Variants in SUMO3 observed in about 807,000 individuals in gnomAD.
SUMO3 encodes small ubiquitin-related modifier 3.
Under a neutral mutation model 11.1 loss-of-function variants are expected in SUMO3, and 2 were observed. The observed-to-expected ratio is 0.18, with a 90% CI of 0.07 to 0.57. The LOEUF (loss-of-function observed/expected upper bound fraction) is 0.57, where lower values mean the gene tolerates loss of function less well. Among genes scored for constraint, SUMO3 ranks in the 20% least tolerant of loss-of-function variants. SUMO3 has a pLI of 0.92. For synonymous variants in SUMO3, 56 were observed against 53.5 expected (o/e 1.05, Z -0.20); for missense variants, 70 against 132.8 (o/e 0.53, Z 2.32).
chr21:44,806,915 T>C lies in SUMO3; in HGVS notation c.*36A>G. On this transcript the variant is annotated 3_prime_UTR_variant, in exon 4 of 4. Coordinates refer to ENST00000332859, the MANE Select transcript of SUMO3 (RefSeq NM_006936.3). ...TCACGTGCTCACCATTCAACAGCAATGCGAGGATGGACGGCCCGGGCTGGG... is the reference window on the plus strand; with the variant it reads ...TCACGTGCTCACCATTCAACAGCAACGCGAGGATGGACGGCCCGGGCTGGG... The C allele has an allele frequency of 6.2e-7, 1 of 1,613,546 alleles. No individual in the cohort carries two copies. The highest frequency in any genetic ancestry group is 8.5e-7 in the Non-Finnish European group (1 of 1,179,726).
intron 3 of SUMO3, chr21:44,808,188 A>G (rs1310164907): frequency 5.5e-6 from 1 of 183,010 alleles, no homozygotes; most frequent in Non-Finnish European, 1.1e-5. Context: ...GACAAATGAC[A>G]AGAGCTGCAA....
chr21:44,817,348 G>A (rs2083252038), intron 1 of SUMO3, among the ~76,000 whole-genome samples: 1 of 151,722 alleles, frequency 6.6e-6, no homozygotes, highest in Non-Finnish European at 1.5e-5. Context: ...GGACGCGATG[G>A]CCGGGACACG....
At position 44,807,571 on chromosome 21, in the gene SUMO3, C is replaced by T. The variant is rs769165329; in HGVS notation, c.223-531G>A. ...CCCAGGCAAGGTAGTGAAACACCCC[C>T]GCTCACTTCTCTCCTCCTGACACAG... is the stretch of plus-strand genomic sequence containing the variant. On this transcript the variant is annotated intron_variant, in intron 3 of 3. Coordinates refer to ENST00000332859, the MANE Select transcript of SUMO3 (RefSeq NM_006936.3). This position sits in a 1 kb window ranked among gnomAD's most constrained non-coding sequence, Gnocchi z 4.3. 1.3e-5 allele frequency among the ~76,000 whole-genome samples: 2 copies of T among 152,268 alleles called. No individual in the cohort carries two copies. Among genetic ancestry groups the T allele is most frequent in the African/African-American group, 4.8e-5 (2 of 41,542 alleles).
chr21:44,806,089 T>C lies in SUMO3; in HGVS notation c.*862A>G, dbSNP rs938820201. ...AGCAATACTTAGTCTTACTTTTTTA[T>C]GTATAGACCATAATCATTCATCAGA... On this transcript the variant is annotated 3_prime_UTR_variant, in exon 4 of 4. Transcript: ENST00000332859. 2.0e-5 allele frequency: 3 copies of C among 152,360 alleles called. No homozygotes were observed. In the East Asian group the frequency reaches 5.8e-4, roughly 29 times the overall value. The allele number at this position is 152,360 out of a possible 1,614,324, so 9.4% of individuals were successfully genotyped here.
rs1046261342 is a variant in SUMO3, at chr21:44,808,472, G to A, written c.222+575C>T. 27 of 1,434,960 alleles carry A rather than the reference G, an allele frequency of 1.9e-5. No individual in the cohort carries two copies. In the African/African-American group the frequency reaches 2.4e-4, roughly 13 times the overall value. 88.9% of individuals were successfully genotyped at this position (1,434,960 alleles called of 1,614,324 possible). ...AGCTTGCACAGTGAGCTGAGACTGC[G>A]CCACTGCATTCTAGCCTGGGCAACA... On this transcript the variant is annotated intron_variant, in intron 3 of 3. Coordinates refer to ENST00000332859, the MANE Select transcript of SUMO3 (RefSeq NM_006936.3).
At chr21:44,815,283 G>A (rs1238988078) in intron 1 of SUMO3, among the ~76,000 whole-genome samples, 1 of 152,170 alleles carries the variant, frequency 6.6e-6, no homozygotes, top group Non-Finnish European at 1.5e-5. Context: ...CCTGGGGTAT[G>A]CACCCTGGGG....
Position 44,807,154 on chromosome 21 carries a change from C to T in SUMO3, c.223-114G>A. 1.5e-6 allele frequency: 2 copies of T among 1,302,420 alleles called. No homozygotes were observed. Among genetic ancestry groups the T allele is most frequent in the Non-Finnish European group, 2.1e-6 (2 of 946,960 alleles). 80.7% of individuals were successfully genotyped at this position (1,302,420 alleles called of 1,614,324 possible). On this transcript the variant is annotated intron_variant, in intron 3 of 3. Coordinates refer to ENST00000332859, the MANE Select transcript of SUMO3 (RefSeq NM_006936.3). This position sits in a 1 kb window ranked among gnomAD's most constrained non-coding sequence, Gnocchi z 4.3. The stretch of plus-strand genomic sequence containing the variant: ...TGTTCCCTGACACTAGCGACATCAC[C>T]TGGTCACACCTTGGCTCTTGTCCGT...
chr21:44,818,018 G>C lies in SUMO3; in HGVS notation c.-50C>G, dbSNP rs1269364035. The C allele has an allele frequency of 1.4e-5, 16 of 1,171,200 alleles. No homozygotes were observed. Among genetic ancestry groups the C allele is most frequent in the Non-Finnish European group, 1.6e-5 (15 of 948,252 alleles). The allele number at this position is 1,171,200 out of a possible 1,614,324, so 72.6% of individuals were successfully genotyped here. The stretch of plus-strand genomic sequence containing the variant: ...CGGCGCGGGGGAAGCAGCGCGGAGC[G>C]GGCGAGTCACGCTCTCGGCCCCGCC... On this transcript the variant is annotated 5_prime_UTR_variant, in exon 1 of 4. Coordinates refer to ENST00000332859, the MANE Select transcript of SUMO3 (RefSeq NM_006936.3).
intron 2 of SUMO3, among the ~76,000 whole-genome samples, chr21:44,812,720 G>A (rs907161250): frequency 1.3e-5 from 2 of 152,262 alleles, no homozygotes; most frequent in Non-Finnish European, 2.9e-5. Context: ...TGCAGGTGGG[G>A]CAGGAGGGGA....
At chr21:44,809,423 C>T (rs867124160) in intron 2 of SUMO3, among the ~76,000 whole-genome samples, 4 of 152,200 alleles carry the variant, frequency 2.6e-5, no homozygotes, top group African/African-American at 4.8e-5. Flanking sequence ...GCTAAAACGG[C>T]TCATTTTCAA....
At chr21:44,808,862 C>T in intron 3 of SUMO3, 185 bp downstream of exon 3, 3 of 696,646 alleles carry the variant, frequency 4.3e-6, no homozygotes, top group Non-Finnish European at 7.4e-6. Context: ...ATGATGTCTG[C>T]AAAGCAGTTT....
At chr21:44,808,513 TC>T in intron 3 of SUMO3, 2 of 1,435,490 alleles carry the variant, frequency 1.4e-6, no homozygotes, top group Non-Finnish European at 1.8e-6. Context: ...AGACTCCGTC[TC>T]AAAAAAAAAA....
At position 44,818,037 on chromosome 21, in the gene SUMO3, C is replaced by A; in HGVS notation, c.-69G>T. 8.8e-7 allele frequency: 1 copy of A among 1,135,216 alleles called. No individual in the cohort carries two copies. The highest frequency in any genetic ancestry group is 1.1e-6 in the Non-Finnish European group (1 of 915,960). The allele number at this position is 1,135,216 out of a possible 1,614,324, so 70.3% of individuals were successfully genotyped here. A position where few individuals can be genotyped will look rare whatever the true frequency, so the allele number is the denominator to read the frequency against. On this transcript the variant is annotated 5_prime_UTR_variant, in exon 1 of 4. Transcript: ENST00000332859. ...CGGAGCGGGCGAGTCACGCTCTCGG[C>A]CCCGCCGCTCTCCCGCCGCAACTGT...
intron 2 of SUMO3, among the ~76,000 whole-genome samples, chr21:44,812,183 A>G (rs1362501166): frequency 6.8e-6 from 1 of 147,532 alleles, no homozygotes; most frequent in Admixed American, 7.1e-5. Flanking sequence ...CAGCCTCCTG[A>G]GTAGCTGGGA....
In SUMO3 at chr21:44,817,605, CGG is replaced by C. The variant is rs1165060752; in HGVS notation, c.21+341_21+342del. ...AGACGCTTCGGGGACACTGCTGGGG[CGG>C]GATCCGAGGGCGCCGCGCTCTGCAG... On this transcript the variant is annotated intron_variant, in intron 1 of 3. Coordinates refer to ENST00000332859, the MANE Select transcript of SUMO3 (RefSeq NM_006936.3). 1.8e-4 allele frequency among the ~76,000 whole-genome samples: 28 copies of C among 151,686 alleles called. No homozygotes were observed. In the East Asian group the frequency reaches 5.3e-3, roughly 29 times the overall value.
chr21:44,814,370 C>G (rs1033547918), intron 1 of SUMO3, among the ~76,000 whole-genome samples: 1 of 152,134 alleles, frequency 6.6e-6, no homozygotes, highest in Non-Finnish European at 1.5e-5. Context: ...AAAACAAAGT[C>G]TAGGGAAAAA....
rs998802536 is a variant in SUMO3, at chr21:44,811,930, A to C, written c.150+2046T>G. Among the ~76,000 whole-genome samples the C allele has an allele frequency of 1.3e-5, 2 of 152,314 alleles. No individual in the cohort carries two copies. The highest frequency in any genetic ancestry group is 4.8e-5 in the African/African-American group (2 of 41,568). On this transcript the variant is annotated intron_variant, in intron 2 of 3. Transcript: ENST00000332859. The surrounding 1 kb of genome is among the most constrained non-coding windows in gnomAD (Gnocchi z 5.0). ...AAAGTGCCCAGCAGCATGAGTGAGAAAATCACCCACCTCTGAGGCACATAA... is the reference window on the plus strand; with the variant it reads ...AAAGTGCCCAGCAGCATGAGTGAGACAATCACCCACCTCTGAGGCACATAA...
chr21:44,815,775 G>A (rs569413045), intron 1 of SUMO3, among the ~76,000 whole-genome samples: 16 of 150,864 alleles, frequency 1.1e-4, no homozygotes, highest in African/African-American at 3.7e-4. Context: ...GGGCAGGGCC[G>A]GCCACAGTGC....
intron 2 of SUMO3, 90 bp downstream of exon 2, chr21:44,813,886 G>A: frequency 6.3e-7 from 1 of 1,595,038 alleles, no homozygotes; most frequent in Non-Finnish European, 8.5e-7. Flanking sequence ...TCTGGGTCCA[G>A]CCCCGAGACG....
Sources: allele counts gnomAD v4.1 joint callset (sites outside exome capture counted in the v4.1 genomes callset), GRCh38; gene constraint gnomAD v4.1.1; non-coding constraint Gnocchi (gnomAD v3.1); transcripts MANE v1.5; gene names NCBI Gene and HGNC (gene_info 2026-07-23, HGNC 2026-07-21).